Variants in CENPV observed in about 807,000 individuals in gnomAD.
CENPV encodes centromere protein V, also known as nuclear protein p30.
A neutral mutation model predicts 26.4 loss-of-function variants in CENPV; 15 were observed. The ratio of observed to expected loss-of-function variants is 0.57; its 90% CI spans 0.38 to 0.88. CENPV has a LOEUF of 0.88. Ranked by LOEUF, CENPV falls within the 40% of genes least tolerant of loss-of-function variation. CENPV has a pLI of 0.00. For missense variants in CENPV, 336 were observed against 376.5 expected, an observed-to-expected ratio of 0.89 and a Z score of 0.89; for synonymous variants, 172 against 165.5, an observed-to-expected ratio of 1.04 and a Z score of -0.30.
intron 2 of CENPV, 100 bp downstream of exon 2, chr17:16,349,831 C>A: frequency 6.6e-7 from 1 of 1,510,466 alleles, no homozygotes; most frequent in Non-Finnish European, 8.9e-7. Context: ...AGCCCAAGGC[C>A]AATGTTTCCT....
At chr17:16,344,864 T>A (rs2093198829) in intron 3 of CENPV, 153 bp from the exon 4 acceptor site, 2 of 339,442 alleles carry the variant, frequency 5.9e-6, no homozygotes, top group Non-Finnish European at 1.1e-5. Context: ...TCCACCTGCA[T>A]GGGTTCAAGA....
At chr17:16,348,502 G>A (rs2093216752) in intron 3 of CENPV, 114 bp downstream of exon 3, 1 of 1,553,654 alleles carries the variant, frequency 6.4e-7, no homozygotes, top group Non-Finnish European at 8.7e-7. Flanking sequence ...GAGAGGCCCT[G>A]CTATGCTCCA....
intron 1 of CENPV, chr17:16,351,234 A>G (rs1325179155): frequency 6.6e-6 from 1 of 152,186 alleles, no homozygotes; most frequent in African/African-American, 2.4e-5. Flanking sequence ...CCCAGCCTAC[A>G]TACAATTTTA....
Position 16,353,395 on chromosome 17 carries a change from C to G in CENPV, c.42G>C (p.Gly14=). ...CCGCGGAGGCCCCGGACCGCTTCTGCCCGCGCAGCTTGGCGGCCGCAGAGC... is the reference window on the plus strand; with the variant it reads ...CCGCGGAGGCCCCGGACCGCTTCTGGCCGCGCAGCTTGGCGGCCGCAGAGC... The part of the protein sequence containing the change: ...SRSSAAAKLR[G]QKRSGASAAP... The change falls in exon 1 of 5, where the codon GGG becomes GGC. Residue 14 remains glycine (G), a synonymous_variant. Coordinates refer to ENST00000299736, the MANE Select transcript of CENPV (RefSeq NM_181716.3). The G allele has an allele frequency of 4.2e-6, 5 of 1,186,700 alleles. No homozygotes were observed. In the East Asian group the frequency reaches 1.5e-4, roughly 36 times the overall value. 73.5% of individuals were successfully genotyped at this position (1,186,700 alleles called of 1,614,324 possible). A position where few individuals can be genotyped will look rare whatever the true frequency, so the allele number is the denominator to read the frequency against.
Position 16,342,788 on chromosome 17 carries a change from CT to C in CENPV, c.*28del, listed in dbSNP as rs751951346. 8.1e-6 allele frequency: 13 copies of C among 1,613,630 alleles called. No individual in the cohort carries two copies. The African/African-American group carries it at 1.7e-4, about 22-fold the overall frequency. On this transcript the variant is annotated 3_prime_UTR_variant, in exon 5 of 5. Coordinates refer to ENST00000299736, the MANE Select transcript of CENPV (RefSeq NM_181716.3). ...GCAAAGTTGCTGGCCCCAATCATTC[CT>C]CCTTTTCAGGGCAGGAGAGGCAGAA... is the stretch of plus-strand genomic sequence containing the variant.
intron 2 of CENPV, chr17:16,349,486 C>T (rs2093220644): frequency 1.0e-6 from 1 of 986,734 alleles, no homozygotes; most frequent in Non-Finnish European, 1.2e-6. Flanking sequence ...TCTGCCTCAA[C>T]CGAAGAGCAG....
At chr17:16,345,261 C>CAAAA (rs1180328905) in intron 3 of CENPV, among the ~76,000 whole-genome samples, 3 of 45,320 alleles carry the variant, frequency 6.6e-5, no homozygotes, top group Non-Finnish European at 9.0e-5. Flanking sequence ...GACTCCGTCT[C>CAAAA]AAAAAAAAAA....
intron 3 of CENPV, among the ~76,000 whole-genome samples, chr17:16,346,065 T>C (rs2093205195): frequency 6.6e-6 from 1 of 152,212 alleles, no homozygotes; most frequent in Non-Finnish European, 1.5e-5. Context: ...ATGAGATGTA[T>C]TTCACTGTCA....
intron 2 of CENPV, chr17:16,349,662 G>C: frequency 8.3e-7 from 1 of 1,209,734 alleles, no homozygotes; most frequent in Non-Finnish European, 1.0e-6. Flanking sequence ...CCTCAGCAGT[G>C]TCAGTCTGAG....
chr17:16,342,821 T>G lies in CENPV; in HGVS notation c.815A>C (p.Glu272Ala). The G allele has an allele frequency of 6.2e-7, 1 of 1,614,030 alleles. No homozygotes were observed. Among genetic ancestry groups the G allele is most frequent in the Non-Finnish European group, 8.5e-7 (1 of 1,180,014 alleles). ...EHKTIKNMSKE is the reference protein window; with the variant it reads ...EHKTIKNMSKA ...CAGGGCAGGAGAGGCAGAAGCTCACTCTTTAGACATGTTCTTGATGGTCTT... is the reference window on the plus strand; with the variant it reads ...CAGGGCAGGAGAGGCAGAAGCTCACGCTTTAGACATGTTCTTGATGGTCTT... Residue 272 changes from glutamate (E) to alanine (A), a missense_variant, in exon 5 of 5, where the codon GAG (glutamate) becomes GCG (alanine). By Grantham distance (107) the Glu-to-Ala change is moderately radical (BLOSUM62 -1). Around this residue, in one of 2 missense-constraint regions of CENPV, gnomAD observed 155 missense variants for 227.8 expected, o/e 0.68. Transcript: ENST00000299736.
At chr17:16,352,979 G>C (rs765646990) in intron 1 of CENPV, 48 bp downstream of exon 1, 1 of 1,497,466 alleles carries the variant, frequency 6.7e-7, no homozygotes, top group South Asian at 1.3e-5. Flanking sequence ...CCTGCCGAGG[G>C]GGTCCGCGTG....
intron 3 of CENPV, among the ~76,000 whole-genome samples, chr17:16,345,375 C>T (rs2093202257): frequency 1.3e-5 from 2 of 150,148 alleles, no homozygotes. Flanking sequence ...TCAAGACCAA[C>T]CTGGGCAACA....
chr17:16,344,556 T>G, intron 4 of CENPV, 41 bp downstream of exon 4: 2 of 1,228,914 alleles, frequency 1.6e-6, no homozygotes, highest in Non-Finnish European at 2.3e-6. Flanking sequence ...CATGGGCCTC[T>G]CTGTGTCCCC....
intron 2 of CENPV, chr17:16,349,722 C>T: frequency 7.4e-7 from 1 of 1,346,334 alleles, no homozygotes; most frequent in Non-Finnish European, 9.5e-7. Flanking sequence ...TCTGTGTCAC[C>T]TGGGCCATGC....
chr17:16,343,178 G>A (rs568750228), intron 4 of CENPV, among the ~76,000 whole-genome samples: 1 of 152,234 alleles, frequency 6.6e-6, no homozygotes, highest in Non-Finnish European at 1.5e-5. Flanking sequence ...TCAACTGCCA[G>A]ATGGGAATCA....
chr17:16,343,186 TCA>T (rs1349209824), intron 4 of CENPV, among the ~76,000 whole-genome samples: 4 of 152,216 alleles, frequency 2.6e-5, no homozygotes, highest in Admixed American at 6.5e-5. Flanking sequence ...CAGATGGGAA[TCA>T]CACTCCCTGA....
intron 2 of CENPV, chr17:16,349,010 G>A: frequency 9.6e-7 from 1 of 1,046,624 alleles, no homozygotes; most frequent in Non-Finnish European, 1.2e-6. Flanking sequence ...ACAAATTTCA[G>A]ACACTGCTAC....
intron 1 of CENPV, chr17:16,351,511 TC>T (rs1001678433): frequency 1.3e-5 from 2 of 152,228 alleles, no homozygotes; most frequent in African/African-American, 4.8e-5. Context: ...TTGTAAAAAC[TC>T]CAAACTTCAC....
At chr17:16,344,411 A>G (rs1486204026) in intron 4 of CENPV, 186 bp downstream of exon 4, 4 of 353,396 alleles carry the variant, frequency 1.1e-5, no homozygotes, top group Non-Finnish European at 2.0e-5. Flanking sequence ...GATTCAGAAA[A>G]GTTTCACCGG....
Sources: gnomAD v4.1 joint callset for allele counts (sites outside exome capture counted in the v4.1 genomes callset) on GRCh38, gnomAD v4.1.1 for gene constraint, gnomAD v4.1.1 regional missense constraint, MANE v1.5 for transcripts, NCBI Gene and HGNC (gene_info 2026-07-23, HGNC 2026-07-21) for gene names.